Variants in POLA1 observed in about 807,000 individuals in gnomAD.
POLA1 encodes the protein DNA polymerase alpha catalytic subunit.
Under a neutral mutation model 124.0 loss-of-function variants are expected in POLA1, and 15 were observed. The ratio of observed to expected loss-of-function variants is 0.12; its 90% confidence interval spans 0.08 to 0.19. The LOEUF (loss-of-function observed/expected upper bound fraction) is 0.19. Among genes scored for constraint, POLA1 ranks in the 10% least tolerant of loss-of-function variants. The probability of loss-of-function intolerance (pLI) is 1.00; values close to 1 mark genes in which losing one functional copy is unlikely to be tolerated. For missense variants in POLA1, 886 were observed against 1,103.4 expected (o/e 0.80, Z 2.79); for synonymous variants, 408 against 389.4 (o/e 1.05, Z -0.56).
At chrX:24,909,943 G>T (rs1462857087) in intron 35 of POLA1, among the ~76,000 whole-genome samples, 1 of 110,423 alleles carries the variant, frequency 9.1e-6, no homozygotes, top group Non-Finnish European at 1.9e-5. Flanking sequence ...CCTTGAAGAG[G>T]TCCTTCACAT....
chrX:24,710,672 T>G (rs1356219126), intron 4 of POLA1, among the ~76,000 whole-genome samples: 1 of 102,049 alleles, frequency 9.8e-6, no homozygotes, highest in African/African-American at 3.6e-5. Context: ...TGGTTTTTTT[T>G]TTTTTTTTTT....
chrX:24,853,129 C>G (rs1428419377), intron 34 of POLA1, among the ~76,000 whole-genome samples: 1 of 112,206 alleles, frequency 8.9e-6, no homozygotes, highest in Non-Finnish European at 1.9e-5. Context: ...AAGGAAAGCC[C>G]AGATTCAAGA....
chrX:24,949,204 G>A lies in POLA1; in HGVS notation c.4261+18655G>A, dbSNP rs1422083923. ...TCGCATAGTAGCAGCCACAAACTGCGCATGACCTTTAAATGTGTTTAATTT... is the reference window on the plus strand; with the variant it reads ...TCGCATAGTAGCAGCCACAAACTGCACATGACCTTTAAATGTGTTTAATTT... On this transcript the variant is annotated intron_variant, in intron 36 of 36. Transcript: ENST00000379068. Among the ~76,000 whole-genome samples, 7 of 112,063 alleles carry A rather than the reference G, an allele frequency of 6.2e-5. No individual in the cohort carries two copies. The East Asian group carries it at 8.4e-4, about 13-fold the overall frequency.
At chrX:24,866,560 A>C (rs1294064639) in intron 34 of POLA1, among the ~76,000 whole-genome samples, 1 of 112,133 alleles carries the variant, frequency 8.9e-6, no homozygotes, top group Non-Finnish European at 1.9e-5. Context: ...TGGAAAATGT[A>C]TATGCTGAGC....
chrX:24,744,297 G>A (rs892247899), intron 23 of POLA1: 1 of 200,597 alleles, frequency 5.0e-6, no homozygotes, highest in African/African-American at 3.1e-5. Flanking sequence ...TGGGCTGCCT[G>A]TTTAACCTCT....
intron 26 of POLA1, among the ~76,000 whole-genome samples, chrX:24,799,439 C>T (rs1050032045): frequency 2.7e-5 from 3 of 112,298 alleles, no homozygotes; most frequent in African/African-American, 9.7e-5. Context: ...ATAAAGAAAA[C>T]GTTACAGATT....
In POLA1 at chrX:24,815,042, G is replaced by C; in HGVS notation, c.3360G>C (p.Lys1120Asn). Reference protein sequence around the residue: ...SRDTIVENIQKRLIEIGENVL... With the variant: ...SRDTIVENIQNRLIEIGENVL... ...ACACTATAGTGGAAAACATTCAGAA[G>C]AGGCTGATAGAAATTGGAGAAAATG... Residue 1120 changes from lysine (K) to asparagine (N), a missense_variant, in exon 30 of 37, where the codon AAG (lysine) becomes AAC (asparagine). Lys to Asn is a moderately conservative substitution (Grantham distance 94). This residue lies in a region of POLA1 where 313 missense variants were observed against 359.7 expected (regional missense o/e 0.87). Coordinates refer to ENST00000379068, the MANE Select transcript of POLA1 (RefSeq NM_001330360.2). 4.2e-6 allele frequency: 5 copies of C among 1,190,988 alleles called. No homozygotes were observed. Among genetic ancestry groups the C allele is most frequent in the Non-Finnish European group, 5.7e-6 (5 of 883,093 alleles).
chrX:24,922,210 G>A (rs1268044300), intron 35 of POLA1, among the ~76,000 whole-genome samples: 1 of 108,284 alleles, frequency 9.2e-6, no homozygotes, highest in East Asian at 2.9e-4. Context: ...AAGTAGCTGG[G>A]ACTACAGACA....
intron 32 of POLA1, among the ~76,000 whole-genome samples, chrX:24,831,367 A>G (rs1193667564): frequency 8.9e-6 from 1 of 112,235 alleles, no homozygotes; most frequent in Admixed American, 9.4e-5. Flanking sequence ...AAGCTCTTAT[A>G]AAAATAAAAC....
intron 35 of POLA1, among the ~76,000 whole-genome samples, chrX:24,899,220 AT>A (rs1156837982): frequency 9.0e-6 from 1 of 111,500 alleles, no homozygotes; most frequent in Admixed American, 9.6e-5. Context: ...AGCTTTATAT[AT>A]TTTTTTATTC....
At chrX:24,790,918 T>TAC (rs2045480815) in intron 26 of POLA1, among the ~76,000 whole-genome samples, 2 of 99,488 alleles carry the variant, frequency 2.0e-5, no homozygotes, top group Non-Finnish European at 4.0e-5. Context: ...TATGTATATA[T>TAC]ATATATATAT....
intron 4 of POLA1, among the ~76,000 whole-genome samples, chrX:24,712,200 C>T (rs1238368840): frequency 9.0e-6 from 1 of 111,325 alleles, no homozygotes; most frequent in African/African-American, 3.3e-5. Context: ...ATTCTCCTGC[C>T]TCAGCCTCCC....
At chrX:24,902,470 G>A (rs1390440406) in intron 35 of POLA1, among the ~76,000 whole-genome samples, 3 of 112,190 alleles carry the variant, frequency 2.7e-5, no homozygotes, top group Non-Finnish European at 5.6e-5. Context: ...GATCTTTAGA[G>A]CAAACTATTC....
At chrX:24,737,798 C>T in intron 19 of POLA1, 57 bp downstream of exon 19, 2 of 545,600 alleles carry the variant, frequency 3.7e-6, no homozygotes, top group Non-Finnish European at 6.2e-6. Flanking sequence ...GGATAGCTAC[C>T]AAGGAACACA....
At chrX:24,916,499 G>A (rs964908041) in intron 35 of POLA1, among the ~76,000 whole-genome samples, 5 of 109,835 alleles carry the variant, frequency 4.6e-5, no homozygotes, top group Non-Finnish European at 7.6e-5. Flanking sequence ...GGCTGGTCTC[G>A]AACTCCTGAC....
intron 26 of POLA1, among the ~76,000 whole-genome samples, chrX:24,793,624 G>T (rs1196483629): frequency 9.0e-6 from 1 of 110,825 alleles, no homozygotes; most frequent in East Asian, 2.9e-4. Context: ...TCGCTCTGTT[G>T]CCCAGGCTAG....
chrX:24,785,757 A>G (rs1040197159), intron 26 of POLA1, among the ~76,000 whole-genome samples: 5 of 112,009 alleles, frequency 4.5e-5, no homozygotes, highest in African/African-American at 1.6e-4. Flanking sequence ...GATTACCACA[A>G]CCAAATTAAC....
intron 30 of POLA1, 81 bp from the exon 31 acceptor site, chrX:24,821,371 C>A: frequency 1.3e-6 from 1 of 759,845 alleles, no homozygotes; most frequent in South Asian, 4.0e-5. Context: ...TAGTATGATT[C>A]TAGCAAAGAT....
In POLA1 at chrX:24,826,522, C is replaced by T; in HGVS notation, c.3657C>T (p.Ala1219=). 1 of 1,205,084 alleles carries T rather than the reference C, an allele frequency of 8.3e-7. No homozygotes were observed. The highest frequency in any genetic ancestry group is 1.1e-6 in the Non-Finnish European group (1 of 890,414). The change falls in exon 32 of 37, where the codon GCC becomes GCT. Residue 1219 remains alanine (A), a synonymous_variant. Transcript: ENST00000379068. Reference sequence around the variant, plus strand: ...CCATTGACACCCAGTACTACCTGGCCCAGCAGATCCACCCAGTCGTGGCTC... The same window carrying T: ...CCATTGACACCCAGTACTACCTGGCTCAGCAGATCCACCCAGTCGTGGCTC... ...NLTIDTQYYL[A]QQIHPVVARI... is the part of the protein sequence containing the mutation.
Sources: gnomAD v4.1 joint callset for allele counts (sites outside exome capture counted in the v4.1 genomes callset) on GRCh38, gnomAD v4.1.1 for gene constraint, gnomAD v4.1.1 regional missense constraint, MANE v1.5 for transcripts, NCBI Gene and HGNC (gene_info 2026-07-23, HGNC 2026-07-21) for gene names.